PKHD1: variants seen among roughly 807,000 people sequenced by gnomAD.
The protein encoded by PKHD1 is PKHD1 ciliary IPT domain containing fibrocystin/polyductin.
A neutral mutation model predicts 412.0 loss-of-function variants in PKHD1; 291 were observed. That is an observed-to-expected ratio of 0.71 (90% CI 0.64 to 0.78). The LOEUF is 0.78. PKHD1 is among the 30% of genes least tolerant of loss of function. The pLI is 0.00. For synonymous variants in PKHD1, 1,777 were observed against 1,821.5 expected (o/e 0.98, Z 0.62); for missense variants, 4,825 against 4,950.7 (o/e 0.97, Z 0.76).
chr6:51,658,992 C>A lies in PKHD1; in HGVS notation c.11134G>T (p.Ala3712Ser). 1 of 1,613,022 alleles carries A rather than the reference C, an allele frequency of 6.2e-7. No individual in the cohort carries two copies. The highest frequency in any genetic ancestry group is 8.5e-7 in the Non-Finnish European group (1 of 1,179,182). ...CCCTTTGACTGAGTAACTAGTAAGG[C>A]CCCGATAGTCATATTCAGAACATTC... The part of the protein sequence containing the change: ...LENVLNMTIG[A>S]LLVTQSKGVI... The change falls in exon 61 of 67, where the codon GCC becomes TCC. Residue 3712 changes from alanine to serine, a missense_variant. Transcript: ENST00000371117.
chr6:52,003,888 T>C (rs1004061640), intron 35 of PKHD1, among the ~76,000 whole-genome samples: 7 of 152,196 alleles, frequency 4.6e-5, no homozygotes, highest in African/African-American at 1.4e-4. Context: ...AAAAAACCTA[T>C]TGAGATGTTC....
chr6:51,659,883 G>T lies in PKHD1; in HGVS notation c.10243C>A (p.Leu3415Ile), dbSNP rs1178739473. 6.2e-7 allele frequency: 1 copy of T among 1,613,314 alleles called. No individual in the cohort carries two copies. The highest frequency in any genetic ancestry group is 8.5e-7 in the Non-Finnish European group (1 of 1,179,414). The change falls in exon 61 of 67, where the codon CTT becomes ATT. Residue 3415 changes from leucine (L) to isoleucine (I), a missense_variant. Transcript: ENST00000371117. ...CKQTDQVVLI[L>I]DSADAIWAIQ... ...GCCCAAATGGCATCAGCGCTATCAA[G>T]AATTAGGACCACTTGGTCAGTCTGT... is the stretch of plus-strand genomic sequence containing the variant.
chr6:51,629,998 T>C (rs1156552581), intron 65 of PKHD1, among the ~76,000 whole-genome samples: 1 of 152,182 alleles, frequency 6.6e-6, no homozygotes, highest in Non-Finnish European at 1.5e-5. Flanking sequence ...TATTAACAAA[T>C]GTGATCTTTT....
chr6:51,651,906 T>C (rs2150378729), intron 61 of PKHD1, among the ~76,000 whole-genome samples: 1 of 152,270 alleles, frequency 6.6e-6, no homozygotes. Flanking sequence ...TGTAAGGTTC[T>C]ATTGCTGGCC....
At chr6:52,013,909 A>T (rs979451239) in intron 34 of PKHD1, among the ~76,000 whole-genome samples, 2 of 152,134 alleles carry the variant, frequency 1.3e-5, no homozygotes, top group Non-Finnish European at 2.9e-5. Context: ...GTGGCTCTGA[A>T]ACCTCACTGA....
At chr6:51,980,086 A>G (rs1794947594) in intron 35 of PKHD1, among the ~76,000 whole-genome samples, 1 of 152,212 alleles carries the variant, frequency 6.6e-6, no homozygotes, top group African/African-American at 2.4e-5. Context: ...CCTGGTACAT[A>G]ATGAGCACTT....
intron 43 of PKHD1, among the ~76,000 whole-genome samples, chr6:51,895,499 T>TCTTTA (rs1779765774): frequency 6.6e-6 from 1 of 152,248 alleles, no homozygotes; most frequent in Non-Finnish European, 1.5e-5. Context: ...TGGAACTTGT[T>TCTTTA]CTTTACTTTC....
Position 51,659,617 on chromosome 6 carries a change from G to C in PKHD1, c.10509C>G (p.Leu3503=). ...CCCCTAAGAAGACGTGGGGGCTCTG[G>C]AGCTCATGGTAGAATACAGCCAAGA... is the stretch of plus-strand genomic sequence containing the variant. The part of the protein sequence containing the change: ...KLLLAVFYHE[L]QSPHVFLGES... Residue 3503 remains leucine, a synonymous_variant, in exon 61 of 67, where the codon CTC becomes CTG. Coordinates refer to ENST00000371117, the MANE Select transcript of PKHD1 (RefSeq NM_138694.4). The C allele has an allele frequency of 1.9e-6, 3 of 1,613,674 alleles. No individual in the cohort carries two copies. Among genetic ancestry groups the C allele is most frequent in the Non-Finnish European group, 2.5e-6 (3 of 1,179,810 alleles).
At chr6:51,679,143 C>T (rs1038040468) in intron 60 of PKHD1, among the ~76,000 whole-genome samples, 4 of 152,112 alleles carry the variant, frequency 2.6e-5, no homozygotes, top group Non-Finnish European at 5.9e-5. Flanking sequence ...TGTGTCAGTT[C>T]CTTTCTCATA....
At chr6:51,913,402 C>T (rs991156541) in intron 37 of PKHD1, among the ~76,000 whole-genome samples, 2 of 152,020 alleles carry the variant, frequency 1.3e-5, no homozygotes, top group South Asian at 4.1e-4. Flanking sequence ...CATCCCCATA[C>T]CAGCATGCTA....
intron 9 of PKHD1, among the ~76,000 whole-genome samples, 172 bp from the exon 10 acceptor site, chr6:52,070,617 C>T (rs1443955458): frequency 6.9e-6 from 1 of 145,832 alleles, no homozygotes; most frequent in Non-Finnish European, 1.5e-5. Flanking sequence ...AAAACAAAAA[C>T]AAAAAAAAAA....
intron 37 of PKHD1, among the ~76,000 whole-genome samples, chr6:51,923,568 T>C (rs891371179): frequency 6.6e-6 from 1 of 151,034 alleles, no homozygotes; most frequent in African/African-American, 2.4e-5. Flanking sequence ...TAAATTTTTA[T>C]ATAGTCTTTG....
chr6:51,887,535 G>A (rs1778415109), intron 43 of PKHD1, among the ~76,000 whole-genome samples: 2 of 152,230 alleles, frequency 1.3e-5, no homozygotes, highest in South Asian at 4.2e-4. Context: ...TCTCGTGAAT[G>A]GTTTAGCACT....
At position 51,950,220 on chromosome 6, in the gene PKHD1, A is replaced by AAAAAAAAAAATATATATAT; in HGVS notation, c.5908+9649_5908+9650insATATATATATTTTTTTTTT. The stretch of plus-strand genomic sequence containing the variant: ...AATGGGCAATATAGAGAAAAAAAAA[A>AAAAAAAAAAATATATATAT]ATATATATATATATATATATGAAAT... On this transcript the variant is annotated intron_variant, in intron 36 of 66. Coordinates refer to ENST00000371117, the MANE Select transcript of PKHD1 (RefSeq NM_138694.4). Among the ~76,000 whole-genome samples, 186 of 98,250 alleles carry AAAAAAAAAAATATATATAT rather than the reference A, an allele frequency of 1.9e-3. 1 individual carries two copies. The highest frequency in any genetic ancestry group is 4.1e-3 in the Admixed American group (31 of 7,526). 64.5% of individuals were successfully genotyped at this position (98,250 alleles called of 152,430 possible). A position where few individuals can be genotyped will look rare whatever the true frequency, so the allele number is the denominator to read the frequency against.
intron 22 of PKHD1, among the ~76,000 whole-genome samples, chr6:52,049,424 T>C (rs1201096398): frequency 6.6e-6 from 1 of 152,256 alleles, no homozygotes; most frequent in Non-Finnish European, 1.5e-5. Context: ...TGCATGACTG[T>C]ATATTTAGAC....
intron 29 of PKHD1, among the ~76,000 whole-genome samples, chr6:52,032,599 A>C (rs1803226271): frequency 6.6e-6 from 1 of 152,200 alleles, no homozygotes; most frequent in Admixed American, 6.5e-5. Context: ...GTATATACAA[A>C]CAGATGACCT....
chr6:51,818,458 G>A (rs992134242), intron 52 of PKHD1, among the ~76,000 whole-genome samples: 4 of 152,094 alleles, frequency 2.6e-5, no homozygotes, highest in Admixed American at 6.5e-5. Context: ...ACAGACTCAG[G>A]GAATCCAGAG....
rs145141656 is a variant in PKHD1, at chr6:51,747,954, G to A, written c.9662C>T (p.Pro3221Leu). 274 of 1,614,006 alleles carry A rather than the reference G, an allele frequency of 1.7e-4. 1 individual carries two copies. Among genetic ancestry groups the A allele is most frequent in the Middle Eastern group, 1.3e-3 (8 of 6,062 alleles). Residue 3221 changes from proline (P) to leucine (L), a missense_variant, in exon 58 of 67, where the codon CCG (proline) becomes CTG (leucine). Coordinates refer to ENST00000371117, the MANE Select transcript of PKHD1 (RefSeq NM_138694.4). ...TGTTGATGTCAAGTTGGCTGAGTGC[G>A]GCTTCACTTTGTCCTGAATGCAGTC... is the stretch of plus-strand genomic sequence containing the variant. ...SFDCIQDKVKPHSANLTSTDR... is the reference protein window; with the variant it reads ...SFDCIQDKVKLHSANLTSTDR...
Position 51,868,002 on chromosome 6 carries a change from A to G in PKHD1, c.7594T>C (p.Ser2532Pro), listed in dbSNP as rs1775359412. ...AILEDLDGSL[S>P]GKNRSHILAS... ...AGAATGTGACTTCTGTTTTTCCCAGACAGAGACCCATCCAAGTCTTCCAAA... is the reference window on the plus strand; with the variant it reads ...AGAATGTGACTTCTGTTTTTCCCAGGCAGAGACCCATCCAAGTCTTCCAAA... The change falls in exon 48 of 67, where the codon TCT (serine) becomes CCT (proline). Residue 2532 changes from serine to proline, a missense_variant. Ser to Pro is a moderately conservative substitution (Grantham distance 74). Transcript: ENST00000371117. 1.2e-6 allele frequency: 2 copies of G among 1,613,316 alleles called. No individual in the cohort carries two copies. Among genetic ancestry groups the G allele is most frequent in the South Asian group, 1.1e-5 (1 of 91,074 alleles).
Sources: allele counts gnomAD v4.1 joint callset (sites outside exome capture counted in the v4.1 genomes callset), GRCh38; gene constraint gnomAD v4.1.1; transcripts MANE v1.5; gene names NCBI Gene and HGNC (gene_info 2026-07-23, HGNC 2026-07-21).